TMEM63A: variants seen among roughly 807,000 people sequenced by gnomAD.
The protein encoded by TMEM63A is transmembrane protein 63A, also known as mechanosensitive cation channel TMEM63A.
In TMEM63A, 76 loss-of-function variants were observed where a neutral mutation model predicts 100.6. That is an observed-to-expected ratio of 0.76 (90% CI 0.63 to 0.91). The LOEUF (loss-of-function observed/expected upper bound fraction) is 0.91, where lower values mean the gene tolerates loss of function less well. Among genes scored for constraint, TMEM63A ranks in the 40% least tolerant of loss-of-function variants. The probability of loss-of-function intolerance (pLI) is 0.00; values close to 1 mark genes in which losing one functional copy is unlikely to be tolerated. For synonymous variants in TMEM63A, 401 were observed against 401.1 expected (o/e 1.00, Z 0.00); for missense variants, 876 against 1,008.8 (o/e 0.87, Z 1.78).
At chr1:225,844,374 T>C, downstream of TMEM63A, 2 of 1,441,030 alleles carry the variant, frequency 1.4e-6, no homozygotes, top group Admixed American at 1.7e-5. Context: ...CCACACACGT[T>C]GCATGAGGTC....
chr1:225,866,706 C>T (rs764384355), intron 8 of TMEM63A, 24 bp from the exon 9 acceptor site: 1 of 1,609,534 alleles, frequency 6.2e-7, no homozygotes, highest in East Asian at 2.2e-5. Flanking sequence ...CACCTGCCAT[C>T]AGGGCTGGGA....
intron 3 of TMEM63A, among the ~76,000 whole-genome samples, chr1:225,876,481 T>C (rs1016154197): frequency 1.3e-5 from 2 of 152,108 alleles, no homozygotes; most frequent in Non-Finnish European, 2.9e-5. Context: ...ATGGCATTTG[T>C]GAAAAGAAGG....
chr1:225,868,061 C>T (rs375781555), intron 6 of TMEM63A, 31 bp from the exon 7 acceptor site: 3 of 1,612,512 alleles, frequency 1.9e-6, no homozygotes, highest in Middle Eastern at 1.7e-4. Flanking sequence ...TCTTAATGAG[C>T]AGTGGAACAG....
chr1:225,878,385 CT>C (rs1670918637), intron 2 of TMEM63A, among the ~76,000 whole-genome samples: 1 of 152,302 alleles, frequency 6.6e-6, no homozygotes, highest in South Asian at 2.1e-4. Flanking sequence ...TCAGGGACCT[CT>C]GGGTCCCCTA....
chr1:225,877,679 C>G lies in TMEM63A; in HGVS notation c.-14-85G>C, dbSNP rs1670878412. 21 of 1,374,102 alleles carry G rather than the reference C, an allele frequency of 1.5e-5. No individual in the cohort carries two copies. In the South Asian group the frequency reaches 2.7e-4, roughly 18 times the overall value. The allele number at this position is 1,374,102 out of a possible 1,614,324, so 85.1% of individuals were successfully genotyped here. A position where few individuals can be genotyped will look rare whatever the true frequency, so the allele number is the denominator to read the frequency against. ...CCACCAGTGCTGGCAGAGCCAAAGGCAGGCGTTTCCCAGGGACTGATCGGG... is the reference window on the plus strand; with the variant it reads ...CCACCAGTGCTGGCAGAGCCAAAGGGAGGCGTTTCCCAGGGACTGATCGGG... On this transcript the variant is annotated intron_variant, in intron 2 of 24. Transcript: ENST00000366835.
In TMEM63A at chr1:225,845,799, G is replaced by A. The variant is rs1406978161; in HGVS notation, c.*1140C>T. ...CACTGCGGGGGCAAGTCAGCGTCAA[G>A]AGAGTCCCTGAGTGAGAAGGCCCAG... is the stretch of plus-strand genomic sequence containing the variant. On this transcript the variant is annotated 3_prime_UTR_variant, in exon 25 of 25. Transcript: ENST00000366835. The A allele has an allele frequency of 1.2e-5, 3 of 255,262 alleles. No individual in the cohort carries two copies. The highest frequency in any genetic ancestry group is 7.6e-6 in the Non-Finnish European group (1 of 130,880). The allele number at this position is 255,262 out of a possible 1,614,324, so 15.8% of individuals were successfully genotyped here. A position where few individuals can be genotyped will look rare whatever the true frequency, so the allele number is the denominator to read the frequency against.
At chr1:225,842,475 G>A (rs746768177), downstream of TMEM63A, 6 of 1,607,438 alleles carry the variant, frequency 3.7e-6, no homozygotes, top group Admixed American at 1.0e-4. Context: ...GCCTGGAAAG[G>A]TGAGGCCCTG....
intron 5 of TMEM63A, 40 bp from the exon 6 acceptor site, chr1:225,871,153 T>TG: frequency 6.2e-7 from 1 of 1,605,392 alleles, no homozygotes; most frequent in East Asian, 2.2e-5. Context: ...CCAACATTTG[T>TG]GTCTTTGAGA....
At chr1:225,859,463 T>C in intron 14 of TMEM63A, 114 bp from the exon 15 acceptor site, 1 of 1,293,318 alleles carries the variant, frequency 7.7e-7, no homozygotes. Context: ...GGGCAAGTTC[T>C]CTGCACTGAC....
intron 3 of TMEM63A, among the ~76,000 whole-genome samples, chr1:225,876,814 A>T (rs914731318): frequency 2.6e-5 from 4 of 151,912 alleles, no homozygotes; most frequent in African/African-American, 9.7e-5. Flanking sequence ...CACCCGGCTA[A>T]TTTTTTGTAT....
chr1:225,866,597 T>C lies in TMEM63A; in HGVS notation c.652A>G (p.Ile218Val). ...ACCAGGTTCTCCTCTTTGTACTTAA[T>C]GGACTGAGTGTGGTGCCGCATGAAA... ...VGFMRHHTQS[I>V]KYKEENLVRR... The change falls in exon 9 of 25, where the codon ATT becomes GTT. Residue 218 changes from isoleucine to valine, a missense_variant. Ile to Val is a conservative substitution (Grantham distance 29). Coordinates refer to ENST00000366835, the MANE Select transcript of TMEM63A (RefSeq NM_014698.3). The C allele has an allele frequency of 6.2e-7, 1 of 1,613,986 alleles. No homozygotes were observed. Among genetic ancestry groups the C allele is most frequent in the South Asian group, 1.1e-5 (1 of 91,072 alleles).
Position 225,853,620 on chromosome 1 carries a change from G to A in TMEM63A, c.1797+9C>T, listed in dbSNP as rs541882791. The A allele has an allele frequency of 2.6e-6, 4 of 1,554,066 alleles. No homozygotes were observed. Among genetic ancestry groups the A allele is most frequent in the Non-Finnish European group, 3.5e-6 (4 of 1,148,044 alleles). ...TCAGAGGCACAGCCCTGGGCCCAGG[G>A]GATGGCACCTGCTTGACATTCCTGC... On this transcript the variant is annotated intron_variant, in intron 19 of 24. Coordinates refer to ENST00000366835, the MANE Select transcript of TMEM63A (RefSeq NM_014698.3). This position sits in a 1 kb window ranked among gnomAD's most constrained non-coding sequence, Gnocchi z 4.0.
At chr1:225,877,023 C>G (rs2102647766) in intron 3 of TMEM63A, among the ~76,000 whole-genome samples, 1 of 152,254 alleles carries the variant, frequency 6.6e-6, no homozygotes, top group East Asian at 1.9e-4. Flanking sequence ...TGCAGCTGCT[C>G]TATTCTAGTC....
At chr1:225,881,684 T>C (rs986481750) in intron 1 of TMEM63A, among the ~76,000 whole-genome samples, 20 of 152,290 alleles carry the variant, frequency 1.3e-4, no homozygotes, top group African/African-American at 4.6e-4. Context: ...ACCACCTGCC[T>C]GGGGCTGAAT....
chr1:225,874,573 A>G (rs1294118283), intron 3 of TMEM63A, among the ~76,000 whole-genome samples: 1 of 152,154 alleles, frequency 6.6e-6, no homozygotes, highest in Non-Finnish European at 1.5e-5. Context: ...GGCTCCTGTC[A>G]CCTGTGCCCA....
chr1:225,842,654 G>A (rs1668526904), downstream of TMEM63A, among the ~76,000 whole-genome samples: 1 of 152,248 alleles, frequency 6.6e-6, no homozygotes, highest in African/African-American at 2.4e-5. Context: ...AGGTGGCCTG[G>A]TGGGTTGTTC....
rs1051979369 is a variant in TMEM63A at position 225,850,037 on chromosome 1, T to C, written c.1946A>G (p.Asn649Ser). 6.2e-6 allele frequency: 10 copies of C among 1,613,946 alleles called. No individual in the cohort carries two copies. In the Middle Eastern group the frequency reaches 4.9e-4, roughly 80 times the overall value. ...GGCTGGGAGGTAGACGAAGTAGAGG[T>C]TGTGCCGGTCCACCATGTGCTTGAG... ...ILLKHMVDRHNLYFVYLPAKL... is the reference protein window; with the variant it reads ...ILLKHMVDRHSLYFVYLPAKL... Residue 649 changes from asparagine (N) to serine (S), a missense_variant, in exon 21 of 25, where the codon AAC (asparagine) becomes AGC (serine). Asn to Ser is a conservative substitution (Grantham distance 46). Coordinates refer to ENST00000366835, the MANE Select transcript of TMEM63A (RefSeq NM_014698.3).
rs1669990977 is a variant in TMEM63A, at chr1:225,862,480, C to A, written c.926G>T (p.Cys309Phe). 1.2e-6 allele frequency: 2 copies of A among 1,614,046 alleles called. No homozygotes were observed. Among genetic ancestry groups the A allele is most frequent in the Non-Finnish European group, 1.7e-6 (2 of 1,180,032 alleles). Residue 309 changes from cysteine (C) to phenylalanine (F), a missense_variant, in exon 12 of 25, where the codon TGC becomes TTC. Physicochemically the swap from Cys to Phe is radical, Grantham distance 205 (BLOSUM62 -2). This residue lies in a region of TMEM63A where 487 missense variants were observed against 581.9 expected (regional missense o/e 0.84). Transcript: ENST00000366835. This position sits in a 1 kb window ranked among gnomAD's most constrained non-coding sequence, Gnocchi z 5.1. Reference sequence around the variant, plus strand: ...CCACTCACAGCCCAGCACTTCACAGCAGCAAAACTGGCCACAGGGCTTGGG... The same window carrying A: ...CCACTCACAGCCCAGCACTTCACAGAAGCAAAACTGGCCACAGGGCTTGGG... ...INPKPCGQFCCCEVLGCEWED... is the reference protein window; with the variant it reads ...INPKPCGQFCFCEVLGCEWED...
chr1:225,856,831 T>A, intron 16 of TMEM63A, 80 bp downstream of exon 16: 1 of 1,583,144 alleles, frequency 6.3e-7, no homozygotes, highest in South Asian at 1.1e-5. Context: ...CCTGAGCAGC[T>A]GGGGGGTTAG....
Sources: allele counts gnomAD v4.1 joint callset (sites outside exome capture counted in the v4.1 genomes callset), GRCh38; gene constraint gnomAD v4.1.1; regional missense constraint gnomAD v4.1.1; non-coding constraint Gnocchi (gnomAD v3.1); transcripts MANE v1.5; gene names NCBI Gene and HGNC (gene_info 2026-07-23, HGNC 2026-07-21).